Variants in YARS1 observed in about 807,000 individuals in gnomAD.
YARS1 encodes tyrosyl-tRNA synthetase 1.
A neutral mutation model predicts 62.2 loss-of-function variants in YARS1; 36 were observed. The ratio of observed to expected loss-of-function variants is 0.58; its 90% CI spans 0.44 to 0.76. The LOEUF (loss-of-function observed/expected upper bound fraction) is 0.76, where lower values mean the gene tolerates loss of function less well. Ranked by LOEUF, YARS1 falls within the 30% of genes least tolerant of loss-of-function variation. The pLI, the probability that YARS1 is intolerant of heterozygous loss-of-function variation, is 0.00. For missense variants in YARS1, 524 were observed against 639.8 expected (o/e 0.82, Z 1.95); for synonymous variants, 234 against 244.9 (o/e 0.96, Z 0.42).
At chr1:32,780,985 C>A in intron 10 of YARS1, 63 bp downstream of exon 10, 1 of 1,501,248 alleles carries the variant, frequency 6.7e-7, no homozygotes, top group Admixed American at 1.7e-5. Context: ...ACGTTTCCTC[C>A]GGATGGAAAC....
intron 3 of YARS1, among the ~76,000 whole-genome samples, chr1:32,808,968 T>C (rs1235086284): frequency 6.6e-6 from 1 of 152,246 alleles, no homozygotes; most frequent in Admixed American, 6.5e-5. Flanking sequence ...GCTTATCATA[T>C]ACCAGGGGTT....
At chr1:32,802,251 C>G (rs1353186800) in intron 4 of YARS1, among the ~76,000 whole-genome samples, 1 of 152,058 alleles carries the variant, frequency 6.6e-6, no homozygotes, top group Non-Finnish European at 1.5e-5. Flanking sequence ...CCGGCCTGTT[C>G]TCTTGTTATT....
At position 32,779,535 on chromosome 1, in the gene YARS1, C is replaced by T; in HGVS notation, c.1335-12G>A. On this transcript the variant is annotated splice_polypyrimidine_tract_variant and intron_variant, in intron 11 of 12. Coordinates refer to ENST00000373477, the MANE Select transcript of YARS1 (RefSeq NM_003680.4). ...GGTTTATCCCTTCTCTGGGAAGACA[C>T]AGGACAAGAGAAGAGTGAGGCTATG... 6.2e-7 allele frequency: 1 copy of T among 1,614,146 alleles called. No individual in the cohort carries two copies. Among genetic ancestry groups the T allele is most frequent in the Non-Finnish European group, 8.5e-7 (1 of 1,180,032 alleles).
chr1:32,806,914 T>C (rs1638478153), intron 3 of YARS1, among the ~76,000 whole-genome samples: 1 of 152,162 alleles, frequency 6.6e-6, no homozygotes, highest in African/African-American at 2.4e-5. Context: ...TCCTGTGACA[T>C]GTAACAAACC....
chr1:32,811,259 G>A lies in YARS1; in HGVS notation c.58-202C>T, dbSNP rs1321827017. 3.8e-6 allele frequency: 3 copies of A among 783,868 alleles called. No homozygotes were observed. In the Admixed American group the frequency reaches 6.5e-5, roughly 17 times the overall value. The allele number at this position is 783,868 out of a possible 1,614,324, so 48.6% of individuals were successfully genotyped here. ...GACTCTCCCTTAGCTGAGAGAGCCA[G>A]ACAAACTCCATTTTGGCTCCTTCAC... On this transcript the variant is annotated intron_variant, in intron 1 of 12. Transcript: ENST00000373477.
intron 5 of YARS1, 76 bp from the exon 6 acceptor site, chr1:32,791,330 G>C: frequency 8.7e-7 from 1 of 1,154,568 alleles, no homozygotes; most frequent in African/African-American, 1.5e-5. Flanking sequence ...CATCTGACTT[G>C]GCCAGCAACT....
chr1:32,800,580 T>C (rs1042280903), intron 4 of YARS1, among the ~76,000 whole-genome samples: 1 of 151,838 alleles, frequency 6.6e-6, no homozygotes, highest in African/African-American at 2.4e-5. Flanking sequence ...AACAGCTTGG[T>C]TTGTACTTTT....
At chr1:32,778,206 T>G (rs1438742626) in intron 12 of YARS1, among the ~76,000 whole-genome samples, 2 of 152,174 alleles carry the variant, frequency 1.3e-5, no homozygotes, top group African/African-American at 4.8e-5. Context: ...TTCATTGAGG[T>G]AGCCCAAGCA....
intron 4 of YARS1, 45 bp downstream of exon 4, chr1:32,806,437 C>T (rs761436823): frequency 6.2e-7 from 1 of 1,612,924 alleles, no homozygotes; most frequent in Non-Finnish European, 8.5e-7. Flanking sequence ...TGTCATCAAA[C>T]CAGAGCAGAA....
At chr1:32,792,367 G>A (rs992406848) in intron 5 of YARS1, among the ~76,000 whole-genome samples, 2 of 152,198 alleles carry the variant, frequency 1.3e-5, no homozygotes, top group Non-Finnish European at 2.9e-5. Context: ...GAACCCAGGT[G>A]ATAAGTCAGT....
chr1:32,790,177 A>C, intron 6 of YARS1, among the ~76,000 whole-genome samples: 1 of 132,214 alleles, frequency 7.6e-6, no homozygotes, highest in Non-Finnish European at 1.6e-5. Context: ...GCCACCACGC[A>C]GGCCTTTTTT....
intron 12 of YARS1, among the ~76,000 whole-genome samples, chr1:32,777,013 T>C (rs935238367): frequency 6.7e-6 from 1 of 150,128 alleles, no homozygotes; most frequent in Admixed American, 6.7e-5. Flanking sequence ...GGTAGAATAC[T>C]ATACAGTGCA....
chr1:32,800,915 T>C (rs562933151), intron 4 of YARS1, among the ~76,000 whole-genome samples: 2 of 152,324 alleles, frequency 1.3e-5, no homozygotes, highest in African/African-American at 2.4e-5. Flanking sequence ...TACAAATATA[T>C]GTGCACACAA....
chr1:32,781,219 G>C (rs1316866753), intron 9 of YARS1, 74 bp from the exon 10 acceptor site: 1 of 1,177,960 alleles, frequency 8.5e-7, no homozygotes, highest in Admixed American at 1.7e-5. Flanking sequence ...ACCACGTTAA[G>C]ACACTGAGAT....
chr1:32,782,252 C>T (rs1653084166), intron 9 of YARS1, 152 bp downstream of exon 9: 1 of 1,309,166 alleles, frequency 7.6e-7, no homozygotes, highest in Non-Finnish European at 1.1e-6. Flanking sequence ...CAAAATGACT[C>T]AAGTTCCATT....
chr1:32,776,152 CT>C lies in YARS1; in HGVS notation c.1477-62del. 2 of 1,420,462 alleles carry C rather than the reference CT, an allele frequency of 1.4e-6. No individual in the cohort carries two copies. Among genetic ancestry groups the C allele is most frequent in the Admixed American group, 1.9e-5 (1 of 53,086 alleles). 88.0% of individuals were successfully genotyped at this position (1,420,462 alleles called of 1,614,324 possible). On this transcript the variant is annotated intron_variant, in intron 12 of 12. Coordinates refer to ENST00000373477, the MANE Select transcript of YARS1 (RefSeq NM_003680.4). The surrounding 1 kb of genome is among the most constrained non-coding windows in gnomAD (Gnocchi z 4.0). ...TGGTGGGACTGCAAGAAAACCCCCCCTTTTTTGGAGGGGGGGCAGAGTTTTG... is the reference window on the plus strand; with the variant it reads ...TGGTGGGACTGCAAGAAAACCCCCCCTTTTTGGAGGGGGGGCAGAGTTTTG...
Position 32,804,057 on chromosome 1 carries a change from G to T in YARS1, c.510+2425C>A, listed in dbSNP as rs549802143. 2.0e-5 allele frequency among the ~76,000 whole-genome samples: 3 copies of T among 152,282 alleles called. No homozygotes were observed. The East Asian group carries it at 5.8e-4, about 29-fold the overall frequency. The stretch of plus-strand genomic sequence containing the variant: ...TGTTTCAGAGAGCACGGGGTTGGGG[G>T]TAAGGTTATAGATTAACAGCATCCC... On this transcript the variant is annotated intron_variant, in intron 4 of 12. Transcript: ENST00000373477.
intron 4 of YARS1, among the ~76,000 whole-genome samples, chr1:32,805,433 G>A (rs1638437429): frequency 6.6e-6 from 1 of 152,072 alleles, no homozygotes; most frequent in Admixed American, 6.6e-5. Context: ...CATTGTGGCT[G>A]GTTTCATCTT....
chr1:32,807,841 T>C (rs1205532765), intron 3 of YARS1, among the ~76,000 whole-genome samples: 6 of 152,236 alleles, frequency 3.9e-5, no homozygotes, highest in African/African-American at 1.4e-4. Context: ...ACTGCTTCTC[T>C]GCCATTCTCC....
Sources: allele counts gnomAD v4.1 joint callset (sites outside exome capture counted in the v4.1 genomes callset), GRCh38; gene constraint gnomAD v4.1.1; non-coding constraint Gnocchi (gnomAD v3.1); transcripts MANE v1.5; gene names NCBI Gene and HGNC (gene_info 2026-07-23, HGNC 2026-07-21).